Variants in PKD1L1 observed in about 807,000 individuals in gnomAD.
PKD1L1 encodes polycystin-1-like protein 1.
A neutral mutation model predicts 323.4 loss-of-function variants in PKD1L1; 236 were observed. The ratio of observed to expected loss-of-function variants is 0.73; its 90% confidence interval spans 0.66 to 0.81. PKD1L1 has a LOEUF of 0.81. Among genes scored for constraint, PKD1L1 ranks in the 40% least tolerant of loss-of-function variants. The pLI is 0.00. For synonymous variants in PKD1L1, 1,344 were observed against 1,335.0 expected (o/e 1.01, Z -0.15); for missense variants, 3,320 against 3,508.0 (o/e 0.95, Z 1.35).
intron 11 of PKD1L1, 124 bp from the exon 12 acceptor site, chr7:47,904,741 G>C: frequency 8.3e-7 from 1 of 1,207,232 alleles, no homozygotes; most frequent in Non-Finnish European, 1.1e-6. Context: ...CATTTAATTT[G>C]TAAGAACTAC....
chr7:47,905,864 T>G lies in PKD1L1; in HGVS notation c.1501A>C (p.Thr501Pro). The G allele has an allele frequency of 6.2e-7, 1 of 1,613,220 alleles. No homozygotes were observed. Among genetic ancestry groups the G allele is most frequent in the Non-Finnish European group, 8.5e-7 (1 of 1,179,838 alleles). ...VGDSQAWHSM[T>P]VWYKMQSVSV... Reference sequence around the variant, plus strand: ...ATACATTGCATCTTATACCAGACAGTCATGCTGTGCCAAGCCTGGCTGTCA... The same window carrying G: ...ATACATTGCATCTTATACCAGACAGGCATGCTGTGCCAAGCCTGGCTGTCA... The change falls in exon 10 of 57, where the codon ACT (threonine) becomes CCT (proline). Residue 501 changes from threonine to proline, a missense_variant. By Grantham distance (38) the Thr-to-Pro change is conservative. Coordinates refer to ENST00000289672, the MANE Select transcript of PKD1L1 (RefSeq NM_138295.5).
intron 27 of PKD1L1, 65 bp from the exon 28 acceptor site, chr7:47,857,897 G>T: frequency 6.8e-7 from 1 of 1,467,084 alleles, no homozygotes; most frequent in Non-Finnish European, 9.4e-7. Flanking sequence ...CTTGAATCCA[G>T]ACTAGGAGAG....
In PKD1L1 at chr7:47,842,987, C is replaced by T. The variant is rs771122484; in HGVS notation, c.5420G>A (p.Arg1807Gln). Residue 1807 changes from arginine to glutamine, a missense_variant, in exon 34 of 57, where the codon CGA (arginine) becomes CAA (glutamine). Arg to Gln is a conservative substitution (Grantham distance 43). Transcript: ENST00000289672. Reference protein sequence around the residue: ...LYAVVIDTGFRAPARLTSKVY... With the variant: ...LYAVVIDTGFQAPARLTSKVY... ...CTTTGAGGTCAACCTGGCCGGAGCT[C>T]GGAAGCCAGTGTCAATGACGACCGC... The T allele has an allele frequency of 9.9e-6, 16 of 1,613,554 alleles. No individual in the cohort carries two copies. Among genetic ancestry groups the T allele is most frequent in the Admixed American group, 8.3e-5 (5 of 59,936 alleles).
intron 45 of PKD1L1, among the ~76,000 whole-genome samples, chr7:47,826,378 G>A (rs1014100222): frequency 6.6e-6 from 1 of 151,990 alleles, no homozygotes; most frequent in African/African-American, 2.4e-5. Flanking sequence ...TAAAAAACTT[G>A]GCCACTGCTC....
intron 4 of PKD1L1, among the ~76,000 whole-genome samples, chr7:47,936,321 C>T (rs530906412): frequency 2.6e-5 from 4 of 152,214 alleles, no homozygotes; most frequent in Non-Finnish European, 4.4e-5. Flanking sequence ...CACAACCCTC[C>T]GTTCCTCCTC....
intron 1 of PKD1L1, among the ~76,000 whole-genome samples, chr7:47,945,809 C>T (rs1788082116): frequency 6.6e-6 from 1 of 152,072 alleles, no homozygotes; most frequent in Admixed American, 6.6e-5. Flanking sequence ...GAGACCCTCC[C>T]AGACACCCCC....
chr7:47,889,071 G>A (rs549817600), intron 16 of PKD1L1, among the ~76,000 whole-genome samples: 30 of 152,014 alleles, frequency 2.0e-4, no homozygotes, highest in African/African-American at 6.8e-4. Context: ...CAGCGTCCTC[G>A]CCTGGCACTG....
At chr7:47,865,360 G>A in intron 25 of PKD1L1, 88 bp from the exon 26 acceptor site, 2 of 1,161,196 alleles carry the variant, frequency 1.7e-6, no homozygotes, top group Admixed American at 2.1e-5. Context: ...GCTTGCCTAT[G>A]TAGAAATAGT....
intron 7 of PKD1L1, among the ~76,000 whole-genome samples, chr7:47,921,255 A>AT (rs1562990849): frequency 6.6e-6 from 1 of 151,746 alleles, no homozygotes; most frequent in Non-Finnish European, 1.5e-5. Context: ...AAAAAAAAAA[A>AT]AAAGATATAC....
chr7:47,816,076 G>A (rs960562052), intron 46 of PKD1L1, among the ~76,000 whole-genome samples: 4 of 152,128 alleles, frequency 2.6e-5, no homozygotes, highest in Non-Finnish European at 4.4e-5. Flanking sequence ...CAGAGGGAGC[G>A]CCGGGGCTAG....
At chr7:47,893,220 A>C (rs1786860180) in intron 15 of PKD1L1, among the ~76,000 whole-genome samples, 1 of 131,794 alleles carries the variant, frequency 7.6e-6, no homozygotes, top group African/African-American at 2.9e-5. Flanking sequence ...ACAGAGTGAG[A>C]CCCTATCTCA....
At chr7:47,829,107 G>C (rs1040810219) in intron 44 of PKD1L1, among the ~76,000 whole-genome samples, 8 of 152,144 alleles carry the variant, frequency 5.3e-5, no homozygotes, top group African/African-American at 1.9e-4. Flanking sequence ...TTTTCTGTGG[G>C]TTCACTGAAG....
chr7:47,813,251 T>A lies in PKD1L1; in HGVS notation c.7216A>T (p.Thr2406Ser), dbSNP rs753029617. ...GGGCCTCCAACTTCGGGACTACATG[T>A]AGGAATAGAGTCTTCGATGAGTGCT... The part of the protein sequence containing the change: ...FSALIEDSIP[T>S]CSPEVGGPEN... The change falls in exon 49 of 57, where the codon ACA (threonine) becomes TCA (serine). Residue 2406 changes from threonine (T) to serine (S), a missense_variant. Physicochemically the swap from Thr to Ser is moderately conservative, Grantham distance 58. Transcript: ENST00000289672. The A allele has an allele frequency of 1.9e-6, 3 of 1,614,150 alleles. No homozygotes were observed. Among genetic ancestry groups the A allele is most frequent in the Non-Finnish European group, 2.5e-6 (3 of 1,180,010 alleles).
At chr7:47,899,932 G>A (rs1300881712) in intron 13 of PKD1L1, among the ~76,000 whole-genome samples, 1 of 126,354 alleles carries the variant, frequency 7.9e-6, no homozygotes, top group African/African-American at 2.9e-5. Context: ...CTCCCTCCTA[G>A]GCAACAGAGC....
rs371030908 is a variant in PKD1L1 at position 47,833,262 on chromosome 7, C to T, written c.6175-10G>A. The stretch of plus-strand genomic sequence containing the variant: ...TGGCTGATGCAGGTTGCTAGAATGA[C>T]AAGGTCATGCCAAGGTTAATATCTC... On this transcript the variant is annotated splice_polypyrimidine_tract_variant and intron_variant, in intron 40 of 56. Transcript: ENST00000289672. The T allele has an allele frequency of 5.3e-5, 86 of 1,610,484 alleles. No individual in the cohort carries two copies. In the African/African-American group the frequency reaches 9.9e-4, roughly 18 times the overall value.
upstream of PKD1L1, among the ~76,000 whole-genome samples, chr7:47,951,212 T>C (rs1206494543): frequency 2.0e-5 from 3 of 152,176 alleles, no homozygotes; most frequent in Admixed American, 1.3e-4. Flanking sequence ...TCGATCAGGA[T>C]TTTGACTCTC....
intron 13 of PKD1L1, among the ~76,000 whole-genome samples, chr7:47,900,451 G>A (rs139149460): frequency 1.9e-4 from 29 of 152,296 alleles, no homozygotes; most frequent in Admixed American, 5.9e-4. Flanking sequence ...ATAGAAAACC[G>A]GAAACTTGGC....
intron 16 of PKD1L1, among the ~76,000 whole-genome samples, chr7:47,888,641 C>T (rs1233234904): frequency 6.6e-6 from 1 of 152,240 alleles, no homozygotes. Context: ...CTCAGATGCT[C>T]ACAAAGAAAG....
At chr7:47,955,558 C>T in the PKD1L1 span, among the ~76,000 whole-genome samples, 1 of 152,202 alleles carries the variant, frequency 6.6e-6, no homozygotes, top group Non-Finnish European at 1.5e-5. Context: ...ATAAGTCATA[C>T]ATTTTGCCAT....
Sources: gnomAD v4.1 joint callset for allele counts (sites outside exome capture counted in the v4.1 genomes callset) on GRCh38, gnomAD v4.1.1 for gene constraint, MANE v1.5 for transcripts, NCBI Gene and HGNC (gene_info 2026-07-23, HGNC 2026-07-21) for gene names.